Variants in GLRA1 observed in about 807,000 individuals in gnomAD.
GLRA1 encodes the protein glycine receptor subunit alpha-1.
A neutral mutation model predicts 48.3 loss-of-function variants in GLRA1; 37 were observed. The ratio of observed to expected loss-of-function variants is 0.77; its 90% CI spans 0.59 to 1.01. The LOEUF (loss-of-function observed/expected upper bound fraction) is 1.01, where lower values mean the gene tolerates loss of function less well. GLRA1 is among the 50% of genes least tolerant of loss of function. GLRA1 has a pLI of 0.00. For synonymous variants in GLRA1, 196 were observed against 210.7 expected (o/e 0.93, Z 0.60); for missense variants, 427 against 571.0 (o/e 0.75, Z 2.57).
intron 5 of GLRA1, among the ~76,000 whole-genome samples, chr5:151,856,032 T>C (rs1753033240): frequency 6.6e-6 from 1 of 152,170 alleles, no homozygotes; most frequent in Non-Finnish European, 1.5e-5. Context: ...TCAAGCCATT[T>C]CTCCTCCGTT....
chr5:151,850,341 T>A, intron 7 of GLRA1: 1 of 1,493,120 alleles, frequency 6.7e-7, no homozygotes, highest in Non-Finnish European at 9.3e-7. Context: ...GGTGGGCTGT[T>A]TCATTTTGCA....
intron 4 of GLRA1, among the ~76,000 whole-genome samples, chr5:151,859,571 A>G (rs1753140618): frequency 1.3e-5 from 2 of 152,198 alleles, no homozygotes; most frequent in Admixed American, 6.5e-5. Flanking sequence ...CTTGGTTATA[A>G]TAAATCATTG....
rs1013800210 is a variant in GLRA1 at position 151,901,150 on chromosome 5, C to T, written c.57-8712G>A. ...TTTCAGTGGTATTCACACGAAATGT[C>T]TTGGACCACTGGCCTAGGTCAAACC... On this transcript the variant is annotated intron_variant, in intron 1 of 8. Coordinates refer to ENST00000274576, the MANE Select transcript of GLRA1 (RefSeq NM_000171.4). 3.3e-5 allele frequency among the ~76,000 whole-genome samples: 5 copies of T among 152,186 alleles called. No individual in the cohort carries two copies. In the East Asian group the frequency reaches 7.7e-4, roughly 23 times the overall value.
chr5:151,888,867 A>T (rs931250985), intron 2 of GLRA1, among the ~76,000 whole-genome samples: 3 of 152,112 alleles, frequency 2.0e-5, no homozygotes, highest in Non-Finnish European at 2.9e-5. Context: ...TGTCTGCTAA[A>T]TTTTTTTGTC....
chr5:151,905,718 G>T (rs1288094222), intron 1 of GLRA1, among the ~76,000 whole-genome samples: 1 of 152,104 alleles, frequency 6.6e-6, no homozygotes, highest in Non-Finnish European at 1.5e-5. Flanking sequence ...TGTGCTAGGG[G>T]CAAGGGCTGA....
At chr5:151,849,020 A>T in intron 7 of GLRA1, 1 of 627,370 alleles carries the variant, frequency 1.6e-6, no homozygotes, top group South Asian at 1.9e-5. Context: ...CAAGACCCAG[A>T]CTCTGGACAG....
chr5:151,831,177 G>A (rs1343053268), intron 7 of GLRA1, among the ~76,000 whole-genome samples: 1 of 152,232 alleles, frequency 6.6e-6, no homozygotes, highest in Non-Finnish European at 1.5e-5. Context: ...TCCCTCGGGT[G>A]CCTGTGCCAC....
chr5:151,900,442 G>A (rs1216059056), intron 1 of GLRA1, among the ~76,000 whole-genome samples: 2 of 152,092 alleles, frequency 1.3e-5, no homozygotes, highest in African/African-American at 4.8e-5. Flanking sequence ...TTCTTGTTTG[G>A]TGGCAAGAAA....
intron 7 of GLRA1, among the ~76,000 whole-genome samples, chr5:151,849,232 T>G (rs1363105857): frequency 1.0e-5 from 1 of 99,566 alleles, no homozygotes; most frequent in Non-Finnish European, 2.1e-5. Context: ...CTTCCTTCCT[T>G]CCTTCCTTCC....
At chr5:151,894,739 G>A (rs556887621) in intron 1 of GLRA1, among the ~76,000 whole-genome samples, 5 of 152,290 alleles carry the variant, frequency 3.3e-5, no homozygotes, top group African/African-American at 1.2e-4. Context: ...AATGAATAAT[G>A]TGCTACTTTA....
At chr5:151,845,855 A>G (rs2113327031) in intron 7 of GLRA1, among the ~76,000 whole-genome samples, 1 of 152,366 alleles carries the variant, frequency 6.6e-6, no homozygotes, top group Non-Finnish European at 1.5e-5. Context: ...ATATATCTAT[A>G]CCATGGAATA....
chr5:151,868,079 G>A (rs1753380950), intron 3 of GLRA1, among the ~76,000 whole-genome samples: 1 of 152,186 alleles, frequency 6.6e-6, no homozygotes, highest in African/African-American at 2.4e-5. Context: ...GGAGCTAGAT[G>A]AGAGAATCAT....
chr5:151,908,534 G>T (rs984408773), intron 1 of GLRA1, among the ~76,000 whole-genome samples: 2 of 152,112 alleles, frequency 1.3e-5, no homozygotes, highest in African/African-American at 4.8e-5. Context: ...TGAGAAGAAT[G>T]CATTTCCAAG....
At chr5:151,843,222 T>A (rs903280755) in intron 7 of GLRA1, among the ~76,000 whole-genome samples, 2 of 152,042 alleles carry the variant, frequency 1.3e-5, no homozygotes, top group African/African-American at 4.8e-5. Flanking sequence ...TCCAGCTATT[T>A]TTTTCATTTC....
intron 7 of GLRA1, chr5:151,849,895 C>A: frequency 6.6e-7 from 1 of 1,511,456 alleles, no homozygotes; most frequent in Non-Finnish European, 8.8e-7. Flanking sequence ...CTGAAGGCTC[C>A]AACAGTGACA....
intron 7 of GLRA1, among the ~76,000 whole-genome samples, chr5:151,843,726 CAT>C (rs546720151): frequency 1.1e-3 from 164 of 152,290 alleles, no homozygotes; most frequent in Non-Finnish European, 2.1e-3. Flanking sequence ...AGGATCAACA[CAT>C]AGATCAATGC....
At chr5:151,880,709 A>C (rs557575501) in intron 3 of GLRA1, among the ~76,000 whole-genome samples, 23 of 152,374 alleles carry the variant, frequency 1.5e-4, no homozygotes, top group African/African-American at 5.5e-4. Context: ...ATACTCCCAT[A>C]CTGGTACATT....
intron 1 of GLRA1, among the ~76,000 whole-genome samples, chr5:151,919,405 G>A (rs1754818325): frequency 6.6e-6 from 1 of 152,152 alleles, no homozygotes; most frequent in Non-Finnish European, 1.5e-5. Flanking sequence ...CAGGCATCAT[G>A]TTTTCTCATC....
chr5:151,831,067 C>A, intron 7 of GLRA1, among the ~76,000 whole-genome samples: 2 of 152,294 alleles, frequency 1.3e-5, no homozygotes, highest in South Asian at 4.1e-4. Context: ...CCTCCCCTGG[C>A]CAAGGGAAGC....
Sources: allele counts gnomAD v4.1 joint callset (sites outside exome capture counted in the v4.1 genomes callset), GRCh38; gene constraint gnomAD v4.1.1; transcripts MANE v1.5; gene names NCBI Gene and HGNC (gene_info 2026-07-23, HGNC 2026-07-21).